Variants in SPAG16 observed in about 807,000 individuals in gnomAD.
The protein encoded by SPAG16 is sperm-associated antigen 16 protein.
A neutral mutation model predicts 80.4 loss-of-function variants in SPAG16; 86 were observed. The observed-to-expected ratio is 1.07, with a 90% CI of 0.90 to 1.28. The LOEUF (loss-of-function observed/expected upper bound fraction) is 1.28, where lower values mean the gene tolerates loss of function less well. Ranked by LOEUF, SPAG16 falls within the 50% of genes most tolerant of loss-of-function variation. The pLI, the probability that SPAG16 is intolerant of heterozygous loss-of-function variation, is 0.00. For missense variants in SPAG16, 870 were observed against 765.3 expected, an observed-to-expected ratio of 1.14 and a Z score of -1.61; for synonymous variants, 294 against 265.9, an observed-to-expected ratio of 1.11 and a Z score of -1.03.
At chr2:213,641,988 C>T (rs1438845698) in intron 10 of SPAG16, among the ~76,000 whole-genome samples, 2 of 152,166 alleles carry the variant, frequency 1.3e-5, no homozygotes, top group African/African-American at 4.8e-5. Flanking sequence ...ATGAGAACAG[C>T]ATGGGGAAAC....
intron 15 of SPAG16, among the ~76,000 whole-genome samples, chr2:214,403,784 C>G (rs961381854): frequency 2.6e-5 from 4 of 152,256 alleles, no homozygotes; most frequent in Admixed American, 2.0e-4. Context: ...TATGGCATGG[C>G]CCCTGTTCCT....
intron 9 of SPAG16, among the ~76,000 whole-genome samples, chr2:213,412,446 TAAAAA>T (rs923295046): frequency 6.6e-6 from 1 of 151,900 alleles, no homozygotes; most frequent in Non-Finnish European, 1.5e-5. Flanking sequence ...AAAAGAAAAT[TAAAAA>T]AAATAATAAT....
intron 10 of SPAG16, among the ~76,000 whole-genome samples, chr2:213,708,108 C>T (rs954306373): frequency 3.9e-4 from 59 of 152,082 alleles, no homozygotes; most frequent in African/African-American, 1.4e-3. Context: ...TATATCATTA[C>T]ATTTAGTAAT....
At chr2:214,017,836 A>G (rs924336544) in intron 13 of SPAG16, among the ~76,000 whole-genome samples, 6 of 152,210 alleles carry the variant, frequency 3.9e-5, no homozygotes, top group Non-Finnish European at 5.9e-5. Context: ...ATTAAAATGT[A>G]TATCACTACA....
chr2:213,999,644 C>G (rs1043399781), intron 12 of SPAG16, among the ~76,000 whole-genome samples: 1 of 152,190 alleles, frequency 6.6e-6, no homozygotes, highest in Non-Finnish European at 1.5e-5. Flanking sequence ...TGGAAGCTTG[C>G]ACTGTTTGCC....
rs1027520249 is a variant in SPAG16, at chr2:213,702,406, T to G, written c.1071-160079T>G. ...GCTGTTTGGGTCCATGCAGCATTTA[T>G]GAGCTGTAACACTCACCGCGAAGGT... On this transcript the variant is annotated intron_variant, in intron 10 of 15. Coordinates refer to ENST00000331683, the MANE Select transcript of SPAG16 (RefSeq NM_024532.5). Among the ~76,000 whole-genome samples the G allele has an allele frequency of 2.6e-5, 4 of 152,326 alleles. 1 individual carries two copies. The South Asian group carries it at 8.3e-4, about 32-fold the overall frequency.
At chr2:213,548,754 G>T (rs2125936482) in intron 10 of SPAG16, among the ~76,000 whole-genome samples, 1 of 151,858 alleles carries the variant, frequency 6.6e-6, no homozygotes, top group East Asian at 1.9e-4. Context: ...ATTTTTGTAT[G>T]GTATAAACTT....
chr2:213,742,251 A>G (rs2067588002), intron 10 of SPAG16, among the ~76,000 whole-genome samples: 1 of 152,160 alleles, frequency 6.6e-6, no homozygotes, highest in South Asian at 2.1e-4. Flanking sequence ...TGGAGACAGT[A>G]CAGATTCTGT....
intron 12 of SPAG16, among the ~76,000 whole-genome samples, chr2:214,003,789 C>T (rs1040694184): frequency 2.0e-5 from 3 of 152,154 alleles, no homozygotes; most frequent in South Asian, 2.1e-4. Flanking sequence ...ACATAGACAA[C>T]AGCACTATCA....
intron 10 of SPAG16, among the ~76,000 whole-genome samples, chr2:213,645,656 C>T (rs2062794317): frequency 6.6e-6 from 1 of 152,110 alleles, no homozygotes; most frequent in African/African-American, 2.4e-5. Flanking sequence ...TCTTCTCTCT[C>T]CTCTTCTCAA....
chr2:213,732,340 C>CA (rs59920491), intron 10 of SPAG16, among the ~76,000 whole-genome samples: 136,279 of 151,416 alleles, frequency 0.9, 63,115 homozygotes, highest in East Asian at 1. Flanking sequence ...GCCCCCCCCG[C>CA]AAAAAAAATG....
intron 12 of SPAG16, among the ~76,000 whole-genome samples, chr2:214,007,294 C>T (rs2047071959): frequency 1.3e-5 from 2 of 151,900 alleles, no homozygotes; most frequent in Non-Finnish European, 2.9e-5. Flanking sequence ...TGAAATGCCT[C>T]AGTTAAAACA....
chr2:213,832,735 G>C (rs781682715), intron 10 of SPAG16, among the ~76,000 whole-genome samples: 2 of 152,088 alleles, frequency 1.3e-5, no homozygotes, highest in African/African-American at 2.4e-5. Flanking sequence ...TTACACAACT[G>C]TCCATTCTTC....
At chr2:214,001,511 G>A (rs2046787264) in intron 12 of SPAG16, among the ~76,000 whole-genome samples, 1 of 152,132 alleles carries the variant, frequency 6.6e-6, no homozygotes, top group Admixed American at 6.6e-5. Flanking sequence ...ACATCATAAG[G>A]CACAGATTGT....
intron 10 of SPAG16, among the ~76,000 whole-genome samples, chr2:213,694,581 A>C (rs1315985558): frequency 6.6e-6 from 1 of 152,120 alleles, no homozygotes; most frequent in Non-Finnish European, 1.5e-5. Context: ...CTGAATTCCA[A>C]AAGGCATCAT....
intron 15 of SPAG16, among the ~76,000 whole-genome samples, chr2:214,392,278 C>T (rs574030125): frequency 1.2e-4 from 18 of 152,172 alleles, no homozygotes; most frequent in Non-Finnish European, 2.4e-4. Flanking sequence ...ACCTTGGCCT[C>T]TAGAGTAGCT....
At chr2:213,934,702 T>C (rs1361646252) in intron 12 of SPAG16, among the ~76,000 whole-genome samples, 2 of 152,198 alleles carry the variant, frequency 1.3e-5, no homozygotes, top group African/African-American at 4.8e-5. Context: ...TTCTATACAA[T>C]AGAATATTAG....
chr2:213,379,012 CT>C (rs2067031177), intron 9 of SPAG16, among the ~76,000 whole-genome samples: 2 of 152,216 alleles, frequency 1.3e-5, no homozygotes, highest in South Asian at 4.1e-4. Flanking sequence ...CCTTCTTAGC[CT>C]GTTGACTTAA....
At chr2:214,334,243 G>A (rs926425553) in intron 15 of SPAG16, among the ~76,000 whole-genome samples, 30 of 152,214 alleles carry the variant, frequency 2.0e-4, no homozygotes, top group Non-Finnish European at 2.9e-5. Flanking sequence ...GCCAGGAGGG[G>A]AGCTATAGAT....
Sources: allele counts gnomAD v4.1 joint callset (sites outside exome capture counted in the v4.1 genomes callset), GRCh38; gene constraint gnomAD v4.1.1; transcripts MANE v1.5; gene names NCBI Gene and HGNC (gene_info 2026-07-23, HGNC 2026-07-21).